Variants in SYNE2 observed in about 807,000 individuals in gnomAD.
The protein encoded by SYNE2 is nesprin-2.
A neutral mutation model predicts 856.3 loss-of-function variants in SYNE2; 431 were observed. The observed-to-expected ratio is 0.50, with a 90% confidence interval of 0.47 to 0.55. The LOEUF is 0.55. Ranked by LOEUF, SYNE2 falls within the 20% of genes least tolerant of loss-of-function variation. The probability of loss-of-function intolerance (pLI) is 0.00; values close to 1 mark genes in which losing one functional copy is unlikely to be tolerated. For missense variants in SYNE2, 8,129 were observed against 8,023.2 expected (o/e 1.01, Z -0.50); for synonymous variants, 2,923 against 2,872.3 (o/e 1.02, Z -0.56).
chr14:64,133,005 A>G (rs1463017046), intron 77 of SYNE2, among the ~76,000 whole-genome samples: 1 of 151,944 alleles, frequency 6.6e-6, no homozygotes, highest in Non-Finnish European at 1.5e-5. Context: ...GATCGAGACC[A>G]TCCTGGCTAA....
chr14:63,986,330 C>G, intron 18 of SYNE2, 126 bp from the exon 19 acceptor site: 1 of 998,048 alleles, frequency 1.0e-6, no homozygotes, highest in Non-Finnish European at 1.5e-6. Context: ...AAACTCCTAG[C>G]CTCAAGCAAT....
At position 64,177,298 on chromosome 14, in the gene SYNE2, T is replaced by C. The variant is rs892851313; in HGVS notation, c.17431-60T>C. 40 of 1,598,468 alleles carry C rather than the reference T, an allele frequency of 2.5e-5. No homozygotes were observed. In the African/African-American group the frequency reaches 5.1e-4, roughly 20 times the overall value. On this transcript the variant is annotated intron_variant, in intron 95 of 115. Transcript: ENST00000555002. ...TATGTGGATTAAATGAGCTATTCTA[T>C]TTCTACAATTCATTCTAAAGAGCAA...
Position 63,789,760 on chromosome 14 carries a change from A to C in SYNE2, c.-305+27774A>C, listed in dbSNP as rs1467379721. Among the ~76,000 whole-genome samples, 5 of 151,806 alleles carry C rather than the reference A, an allele frequency of 3.3e-5. No homozygotes were observed. In the East Asian group the frequency reaches 7.7e-4, roughly 23 times the overall value. On this transcript the variant is annotated intron_variant, in intron 1 of 23. Transcript: ENST00000674003. ...GCCACTGCACTCCAGCCTGGGCGAC[A>C]GTGAGACTTGTCTCAAAAAAAAAAA...
intron 1 of SYNE2, among the ~76,000 whole-genome samples, chr14:63,813,555 G>A (rs1888700172): frequency 6.6e-6 from 1 of 152,222 alleles, no homozygotes. Context: ...AACACTTTGG[G>A]AGGCCCAGGG....
At chr14:64,224,620 G>A (rs746588574) in intron 114 of SYNE2, 73 bp downstream of exon 114, 2 of 1,551,842 alleles carry the variant, frequency 1.3e-6, no homozygotes, top group East Asian at 4.5e-5. Context: ...GGAAGCTTGG[G>A]ATTCCAAGAG....
intron 100 of SYNE2, among the ~76,000 whole-genome samples, chr14:64,203,402 C>T (rs532134261): frequency 6.6e-6 from 1 of 152,274 alleles, no homozygotes; most frequent in East Asian, 1.9e-4. Context: ...TGATAAGGAA[C>T]ATGCTTGGAC....
Position 64,162,212 on chromosome 14 carries a change from C to G in SYNE2, c.16235C>G (p.Ala5412Gly), listed in dbSNP as rs1595913254. The G allele has an allele frequency of 6.2e-7, 1 of 1,614,228 alleles. No homozygotes were observed. Among genetic ancestry groups the G allele is most frequent in the South Asian group, 1.1e-5 (1 of 91,086 alleles). Residue 5412 changes from alanine (A) to glycine (G), a missense_variant, in exon 88 of 116, where the codon GCA becomes GGA. Coordinates refer to ENST00000555002, the MANE Select transcript of SYNE2 (RefSeq NM_182914.3). ...CAGGAAGCAAAGTTTCAACAGCTCG[C>G]AAACATCAGCATGTCTGGAAACAAC... ...KQQEAKFQQL[A>G]NISMSGNNLA...
In SYNE2 at chr14:64,098,095, T is replaced by C; in HGVS notation, c.12255T>C (p.Ala4085=). 1 of 1,614,148 alleles carries C rather than the reference T, an allele frequency of 6.2e-7. No individual in the cohort carries two copies. The highest frequency in any genetic ancestry group is 8.5e-7 in the Non-Finnish European group (1 of 1,180,010). The change falls in exon 62 of 116, where the codon GCT becomes GCC. Residue 4085 remains alanine (A), a synonymous_variant. Transcript: ENST00000555002. The part of the protein sequence containing the change: ...QEGVERDRLP[A]VTSEEGGVAE... ...GAGTAGAAAGAGATAGGCTGCCAGC[T>C]GTAACATCAGAGGAAGGTGGAGTGG...
intron 93 of SYNE2, 52 bp from the exon 94 acceptor site, chr14:64,170,176 A>T: frequency 6.3e-7 from 1 of 1,577,554 alleles, no homozygotes; most frequent in South Asian, 1.1e-5. Context: ...ACTGATAGTT[A>T]TTTTTTCTAC....
chr14:64,128,579 T>G (rs1254329211), intron 74 of SYNE2, 26 bp downstream of exon 74: 2 of 1,425,960 alleles, frequency 1.4e-6, no homozygotes, highest in African/African-American at 2.8e-5. Flanking sequence ...TAATTCAGAC[T>G]GACTTAACTT....
intron 1 of SYNE2, among the ~76,000 whole-genome samples, chr14:63,812,219 G>A (rs1244196344): frequency 3.3e-5 from 5 of 152,014 alleles, no homozygotes; most frequent in Non-Finnish European, 5.9e-5. Context: ...CCTTTCCCAG[G>A]GTCTTAATTA....
At chr14:63,971,761 T>A (rs2096480844) in intron 11 of SYNE2, among the ~76,000 whole-genome samples, 1 of 152,198 alleles carries the variant, frequency 6.6e-6, no homozygotes, top group African/African-American at 2.4e-5. Flanking sequence ...AATACAGGGC[T>A]GTGAGTGACA....
intron 83 of SYNE2, among the ~76,000 whole-genome samples, chr14:64,145,337 T>A (rs943334097): frequency 3.3e-5 from 5 of 151,816 alleles, no homozygotes; most frequent in African/African-American, 1.2e-4. Flanking sequence ...GGTGTTTTCT[T>A]GACCTACTAA....
chr14:64,188,364 C>T (rs945265866), intron 97 of SYNE2, among the ~76,000 whole-genome samples, 186 bp from the exon 98 acceptor site: 1 of 152,086 alleles, frequency 6.6e-6, no homozygotes, highest in Admixed American at 6.5e-5. Flanking sequence ...TTTTTTATGA[C>T]ATTTATCACA....
Position 64,060,485 on chromosome 14 carries a change from G to A in SYNE2, c.10068-2266G>A, listed in dbSNP as rs190755917. ...AATGGGGGCCTCATGACTCTGCCCA[G>A]TACCCAGTCCTACTTAGCTGGTATC... On this transcript the variant is annotated intron_variant, in intron 49 of 115. Transcript: ENST00000555002. Among the ~76,000 whole-genome samples, 542 of 152,258 alleles carry A rather than the reference G, an allele frequency of 3.6e-3. 4 individuals carry two copies. The highest frequency in any genetic ancestry group is 0.01 in the Admixed American group (156 of 15,302).
At chr14:64,105,364 A>G (rs2097764238) in intron 64 of SYNE2, among the ~76,000 whole-genome samples, 1 of 152,176 alleles carries the variant, frequency 6.6e-6, no homozygotes, top group Admixed American at 6.5e-5. Flanking sequence ...ATTTTATCTA[A>G]TCTCTACCTT....
intron 61 of SYNE2, among the ~76,000 whole-genome samples, chr14:64,093,721 G>A (rs1482160434): frequency 6.6e-6 from 1 of 152,178 alleles, no homozygotes; most frequent in East Asian, 1.9e-4. Flanking sequence ...GTTTGATCAA[G>A]AGAAGCCTTA....
intron 84 of SYNE2, among the ~76,000 whole-genome samples, chr14:64,148,025 A>G (rs1335148456): frequency 6.6e-6 from 1 of 152,170 alleles, no homozygotes; most frequent in Non-Finnish European, 1.5e-5. Context: ...TTAATAAGCC[A>G]TTAAGGCCGG....
chr14:64,025,455 A>T lies in SYNE2; in HGVS notation c.6252+34A>T, dbSNP rs758880433. The T allele has an allele frequency of 2.5e-6, 4 of 1,591,172 alleles. No individual in the cohort carries two copies. The South Asian group carries it at 3.4e-5, about 13-fold the overall frequency. On this transcript the variant is annotated intron_variant, in intron 41 of 115. Transcript: ENST00000555002. ...ATGGAAACTAAATTTCAGAAGTCTG[A>T]GTGAACTCTAGTTTTGAAAAGATTT...
Sources: allele counts gnomAD v4.1 joint callset (sites outside exome capture counted in the v4.1 genomes callset), GRCh38; gene constraint gnomAD v4.1.1; transcripts MANE v1.5; gene names NCBI Gene and HGNC (gene_info 2026-07-23, HGNC 2026-07-21).